Variants in NELL1 observed in about 807,000 individuals in gnomAD.
The protein encoded by NELL1 is protein kinase C-binding protein NELL1.
Under a neutral mutation model 107.4 loss-of-function variants are expected in NELL1, and 76 were observed. The ratio of observed to expected loss-of-function variants is 0.71; its 90% CI spans 0.59 to 0.86. The LOEUF (loss-of-function observed/expected upper bound fraction) is 0.86. Ranked by LOEUF, NELL1 falls within the 40% of genes least tolerant of loss-of-function variation. The pLI, the probability that NELL1 is intolerant of heterozygous loss-of-function variation, is 0.00. For synonymous variants in NELL1, 353 were observed against 341.2 expected (o/e 1.03, Z -0.38); for missense variants, 1,024 against 1,005.5 (o/e 1.02, Z -0.25).
chr11:20,730,909 C>A (rs1590241113), intron 2 of NELL1, among the ~76,000 whole-genome samples: 2 of 152,166 alleles, frequency 1.3e-5, no homozygotes, highest in South Asian at 2.1e-4. Context: ...ATTACATTTT[C>A]AAAGCAGCCA....
chr11:21,441,745 G>A (rs1361175699), intron 15 of NELL1, among the ~76,000 whole-genome samples: 1 of 150,932 alleles, frequency 6.6e-6, no homozygotes, highest in Non-Finnish European at 1.5e-5. Flanking sequence ...GGGTTGATAA[G>A]GTCTGACATC....
chr11:20,755,540 G>GTTTTTTTTTT (rs1463795241), intron 2 of NELL1, among the ~76,000 whole-genome samples: 1 of 19,150 alleles, frequency 5.2e-5, no homozygotes, highest in African/African-American at 9.7e-5. Context: ...GTGGGTTTTT[G>GTTTTTTTTTT]TTTTTTTTTG....
At chr11:21,058,143 A>G (rs1853655466) in intron 12 of NELL1, among the ~76,000 whole-genome samples, 1 of 152,118 alleles carries the variant, frequency 6.6e-6, no homozygotes, top group Admixed American at 6.6e-5. Context: ...GGATAGAAAG[A>G]CAATTGTATG....
chr11:21,512,267 T>G (rs1855456023), intron 15 of NELL1, among the ~76,000 whole-genome samples: 1 of 152,130 alleles, frequency 6.6e-6, no homozygotes. Flanking sequence ...TTTCTTCTCT[T>G]TCTATCTCCC....
At chr11:21,105,724 C>A (rs1854937996) in intron 12 of NELL1, among the ~76,000 whole-genome samples, 1 of 151,700 alleles carries the variant, frequency 6.6e-6, no homozygotes, top group Admixed American at 6.6e-5. Context: ...ACTTCCTTAC[C>A]CTCACTATCT....
intron 10 of NELL1, among the ~76,000 whole-genome samples, chr11:20,940,826 A>G (rs1050261560): frequency 2.0e-5 from 3 of 152,166 alleles, no homozygotes; most frequent in Non-Finnish European, 4.4e-5. Flanking sequence ...ACTTTGTGAT[A>G]TAATTTTCTA....
At chr11:21,239,053 T>C (rs1273281505) in intron 14 of NELL1, among the ~76,000 whole-genome samples, 2 of 152,226 alleles carry the variant, frequency 1.3e-5, no homozygotes, top group Middle Eastern at 3.4e-3. Context: ...ATACTTAGGT[T>C]AGTGTTTGGA....
intron 12 of NELL1, among the ~76,000 whole-genome samples, chr11:20,979,030 CA>C (rs1219559552): frequency 6.6e-6 from 1 of 152,100 alleles, no homozygotes; most frequent in African/African-American, 2.4e-5. Context: ...TGGAGAAAGA[CA>C]AAGGGTTTAA....
At chr11:21,099,280 C>T (rs1290348438) in intron 12 of NELL1, among the ~76,000 whole-genome samples, 2 of 151,318 alleles carry the variant, frequency 1.3e-5, no homozygotes, top group Non-Finnish European at 2.9e-5. Context: ...ATGGCATAGT[C>T]CAAGGAATAG....
intron 15 of NELL1, among the ~76,000 whole-genome samples, chr11:21,414,837 G>T (rs1246656984): frequency 1.3e-5 from 2 of 152,012 alleles, no homozygotes; most frequent in Non-Finnish European, 2.9e-5. Flanking sequence ...TTCAATGCAG[G>T]ACTTCCCTTC....
intron 16 of NELL1, among the ~76,000 whole-genome samples, chr11:21,558,425 C>T (rs1856772475): frequency 1.3e-5 from 2 of 151,532 alleles, no homozygotes. Context: ...TTACCTTATA[C>T]ACTTACTTTT....
intron 4 of NELL1, among the ~76,000 whole-genome samples, chr11:20,874,068 G>A (rs796400140): frequency 3.4e-4 from 52 of 151,854 alleles, no homozygotes; most frequent in African/African-American, 1.1e-3. Flanking sequence ...CCCGGTCTGA[G>A]TTTAGACTTT....
chr11:20,875,576 C>T (rs1849288284), intron 4 of NELL1, among the ~76,000 whole-genome samples: 1 of 152,086 alleles, frequency 6.6e-6, no homozygotes, highest in Non-Finnish European at 1.5e-5. Flanking sequence ...ACTAAGTACT[C>T]ACAAAAATTT....
chr11:21,092,046 A>T (rs1854534038), intron 12 of NELL1, among the ~76,000 whole-genome samples: 1 of 152,194 alleles, frequency 6.6e-6, no homozygotes, highest in East Asian at 1.9e-4. Context: ...AGATGGAAGG[A>T]ACAGGATGAG....
At chr11:21,547,183 T>A (rs1290832018) in intron 16 of NELL1, among the ~76,000 whole-genome samples, 1 of 151,990 alleles carries the variant, frequency 6.6e-6, no homozygotes, top group East Asian at 1.9e-4. Flanking sequence ...ATGTATATGG[T>A]AATCTTTCAC....
At chr11:20,865,324 A>G (rs1849075147) in intron 4 of NELL1, among the ~76,000 whole-genome samples, 1 of 152,246 alleles carries the variant, frequency 6.6e-6, no homozygotes, top group Non-Finnish European at 1.5e-5. Flanking sequence ...GTAAGATGAA[A>G]AATCACTAGG....
intron 13 of NELL1, among the ~76,000 whole-genome samples, chr11:21,152,400 A>G (rs1039223350): frequency 1.3e-5 from 2 of 152,204 alleles, no homozygotes; most frequent in Non-Finnish European, 2.9e-5. Flanking sequence ...AATGAGGTGC[A>G]TACTAAATGT....
intron 14 of NELL1, among the ~76,000 whole-genome samples, chr11:21,323,875 G>A (rs953890762): frequency 2.6e-5 from 4 of 152,036 alleles, no homozygotes; most frequent in Admixed American, 6.6e-5. Flanking sequence ...CAGAATCAGG[G>A]TTGAGCAAAA....
chr11:21,443,324 G>A (rs1329665565), intron 15 of NELL1, among the ~76,000 whole-genome samples: 2 of 152,096 alleles, frequency 1.3e-5, no homozygotes, highest in African/African-American at 4.8e-5. Flanking sequence ...CACCTCTGTT[G>A]CATTGAGGAT....
Sources: gnomAD v4.1 joint callset for allele counts (sites outside exome capture counted in the v4.1 genomes callset) on GRCh38, gnomAD v4.1.1 for gene constraint, MANE v1.5 for transcripts, NCBI Gene and HGNC (gene_info 2026-07-23, HGNC 2026-07-21) for gene names.